Variants in KIRREL3 observed in about 807,000 individuals in gnomAD.
KIRREL3 encodes the protein kirre like nephrin family adhesion molecule 3, also known as kin of IRRE-like protein 3.
Under a neutral mutation model 89.7 loss-of-function variants are expected in KIRREL3, and 36 were observed. That is an observed-to-expected ratio of 0.40 (90% CI 0.31 to 0.53). KIRREL3 has a LOEUF of 0.53. Ranked by LOEUF, KIRREL3 falls within the 20% of genes least tolerant of loss-of-function variation. The pLI is 0.49. For synonymous variants in KIRREL3, 445 were observed against 441.4 expected (o/e 1.01, Z -0.10); for missense variants, 864 against 1,056.6 (o/e 0.82, Z 2.53).
At chr11:126,657,930 C>T (rs993217403) in intron 1 of KIRREL3, among the ~76,000 whole-genome samples, 4 of 152,182 alleles carry the variant, frequency 2.6e-5, no homozygotes, top group Admixed American at 6.5e-5. Flanking sequence ...CCCAGCAGAG[C>T]GCAATTCATG....
In KIRREL3 at chr11:126,969,196, G is replaced by A. The variant is rs991186115; in HGVS notation, c.55+31259C>T. Among the ~76,000 whole-genome samples, 5 of 152,092 alleles carry A rather than the reference G, an allele frequency of 3.3e-5. No individual in the cohort carries two copies. The highest frequency in any genetic ancestry group is 1.2e-4 in the African/African-American group (5 of 41,408). On this transcript the variant is annotated intron_variant, in intron 1 of 16. Coordinates refer to ENST00000525144, the MANE Select transcript of KIRREL3 (RefSeq NM_032531.4). This position sits in a 1 kb window ranked among gnomAD's most constrained non-coding sequence, Gnocchi z 4.9. ...AAACAGGCCTGGGGCAAAAGAGTCC[G>A]TAGATACCGCAGTCAAGGGGCGATT... is the stretch of plus-strand genomic sequence containing the variant.
In KIRREL3 at chr11:126,991,775, C is replaced by T. The variant is rs1029303580; in HGVS notation, c.55+8680G>A. Among the ~76,000 whole-genome samples, 2 of 152,144 alleles carry T rather than the reference C, an allele frequency of 1.3e-5. No individual in the cohort carries two copies. Among genetic ancestry groups the T allele is most frequent in the African/African-American group, 4.8e-5 (2 of 41,434 alleles). On this transcript the variant is annotated intron_variant, in intron 1 of 16. Transcript: ENST00000525144. This position sits in a 1 kb window ranked among gnomAD's most constrained non-coding sequence, Gnocchi z 5.8. ...CAGTCCTAGACACTGGGGATTGCCA[C>T]AAATTATAAGACTATGACCTGTCTT...
At chr11:126,478,910 T>C (rs1487544054) in intron 4 of KIRREL3, among the ~76,000 whole-genome samples, 1 of 152,170 alleles carries the variant, frequency 6.6e-6, no homozygotes, top group Admixed American at 6.5e-5. Context: ...AACTCTGCGC[T>C]GCTGTGGCAT....
At chr11:126,758,635 C>T (rs1255044548) in intron 1 of KIRREL3, among the ~76,000 whole-genome samples, 1 of 152,234 alleles carries the variant, frequency 6.6e-6, no homozygotes, top group African/African-American at 2.4e-5. Context: ...GCACAAATTG[C>T]TTGCCATTGC....
chr11:126,506,983 G>A (rs1044773612), intron 4 of KIRREL3, among the ~76,000 whole-genome samples: 32 of 152,108 alleles, frequency 2.1e-4, no homozygotes, highest in African/African-American at 7.0e-4. Context: ...GCCGACTGGC[G>A]AATGGATAAA....
At chr11:126,671,274 C>T (rs1001880679) in intron 1 of KIRREL3, among the ~76,000 whole-genome samples, 1 of 149,880 alleles carries the variant, frequency 6.7e-6, no homozygotes, top group African/African-American at 2.5e-5. Context: ...TGCTGCACTG[C>T]CCACACCACT....
intron 5 of KIRREL3, among the ~76,000 whole-genome samples, chr11:126,472,377 T>A (rs980414737): frequency 6.6e-5 from 10 of 152,154 alleles, no homozygotes; most frequent in African/African-American, 2.4e-4. Context: ...GACAGACACC[T>A]GGTTCATAGA....
chr11:126,434,054 G>A (rs1955231318), intron 13 of KIRREL3, among the ~76,000 whole-genome samples: 1 of 152,228 alleles, frequency 6.6e-6, no homozygotes, highest in African/African-American at 2.4e-5. Context: ...TCCTGTGGGG[G>A]CGAGTGCCCC....
Position 126,704,231 on chromosome 11 carries a change from G to T in KIRREL3, c.56-141319C>A, listed in dbSNP as rs910669041. Among the ~76,000 whole-genome samples the T allele has an allele frequency of 6.6e-6, 1 of 152,188 alleles. No individual in the cohort carries two copies. The highest frequency in any genetic ancestry group is 2.4e-5 in the African/African-American group (1 of 41,444). On this transcript the variant is annotated intron_variant, in intron 1 of 16. Coordinates refer to ENST00000525144, the MANE Select transcript of KIRREL3 (RefSeq NM_032531.4). This position sits in a 1 kb window ranked among gnomAD's most constrained non-coding sequence, Gnocchi z 4.2. ...ATGTATTTACACAGCACACACATTT[G>T]CATCATATCTGTTCATGTGCATGCA...
chr11:126,842,880 G>A (rs1944011732), intron 1 of KIRREL3, among the ~76,000 whole-genome samples: 1 of 152,194 alleles, frequency 6.6e-6, no homozygotes, highest in Admixed American at 6.5e-5. Flanking sequence ...TATCCTTTCA[G>A]TCAGACTGAG....
chr11:126,615,528 T>C lies in KIRREL3; in HGVS notation c.56-52616A>G, dbSNP rs1420865268. On this transcript the variant is annotated intron_variant, in intron 1 of 16. Coordinates refer to ENST00000525144, the MANE Select transcript of KIRREL3 (RefSeq NM_032531.4). This position sits in a 1 kb window ranked among gnomAD's most constrained non-coding sequence, Gnocchi z 5.4. ...TAGGTCTGTCTGACTCAAAAACCTGTGTTCCTAACCATCCTGCCCACCAGG... is the reference window on the plus strand; with the variant it reads ...TAGGTCTGTCTGACTCAAAAACCTGCGTTCCTAACCATCCTGCCCACCAGG... Among the ~76,000 whole-genome samples the C allele has an allele frequency of 1.3e-5, 2 of 152,152 alleles. No individual in the cohort carries two copies. The highest frequency in any genetic ancestry group is 2.4e-5 in the African/African-American group (1 of 41,438).
chr11:126,882,694 G>A (rs1021101282), intron 1 of KIRREL3, among the ~76,000 whole-genome samples: 1 of 152,198 alleles, frequency 6.6e-6, no homozygotes, highest in African/African-American at 2.4e-5. Flanking sequence ...ATTCTCGACT[G>A]CCTAAAGTGC....
intron 1 of KIRREL3, among the ~76,000 whole-genome samples, chr11:126,895,670 GGGTTACTACTGTTCTGGTTACTGAA>G (rs2134801202): frequency 6.6e-6 from 1 of 152,240 alleles, no homozygotes; most frequent in African/African-American, 2.4e-5. Flanking sequence ...TAACCAGACA[GGGTTACTACTGTTCTGGTTACTGAA>G]GGCTCCCGTG....
At position 126,508,563 on chromosome 11, in the gene KIRREL3, G is replaced by A. The variant is rs2134389092; in HGVS notation, c.433+12752C>T. 6.6e-6 allele frequency among the ~76,000 whole-genome samples: 1 copy of A among 152,272 alleles called. No individual in the cohort carries two copies. The highest frequency in any genetic ancestry group is 2.4e-5 in the African/African-American group (1 of 41,566). ...GTGGAAGGGTTCAAGCAGGGCTCCT[G>A]GAGTTCCCAGGGGCTAGGAAGAAAC... On this transcript the variant is annotated intron_variant, in intron 4 of 16. Transcript: ENST00000525144. The surrounding 1 kb of genome is among the most constrained non-coding windows in gnomAD (Gnocchi z 4.9).
Position 126,563,489 on chromosome 11 carries a change from G to A in KIRREL3, c.56-577C>T, listed in dbSNP as rs1250546979. On this transcript the variant is annotated intron_variant, in intron 1 of 16. Coordinates refer to ENST00000525144, the MANE Select transcript of KIRREL3 (RefSeq NM_032531.4). This position sits in a 1 kb window ranked among gnomAD's most constrained non-coding sequence, Gnocchi z 6.8. ...GCAGAAGAGCTCTCTCTACCTTTTG[G>A]AGAGGGTGCGTTTCTGGTGCTAGAG... Among the ~76,000 whole-genome samples, 1 of 152,152 alleles carries A rather than the reference G, an allele frequency of 6.6e-6. No individual in the cohort carries two copies. The highest frequency in any genetic ancestry group is 2.1e-4 in the South Asian group (1 of 4,826).
In KIRREL3 at chr11:126,476,032, G is replaced by A. The variant is rs1329705754; in HGVS notation, c.434-2566C>T. Among the ~76,000 whole-genome samples the A allele has an allele frequency of 6.6e-6, 1 of 152,354 alleles. No individual in the cohort carries two copies. Among genetic ancestry groups the A allele is most frequent in the East Asian group, 1.9e-4 (1 of 5,182 alleles). On this transcript the variant is annotated intron_variant, in intron 4 of 16. Transcript: ENST00000525144. The surrounding 1 kb of genome is among the most constrained non-coding windows in gnomAD (Gnocchi z 6.4). ...TCAGCCTTCCCAGTGACTGTGGAAA[G>A]TGCCTGAGAGCAGAGGGTGGAGCAG...
At chr11:126,966,066 A>G (rs1161299295) in intron 1 of KIRREL3, among the ~76,000 whole-genome samples, 2 of 152,200 alleles carry the variant, frequency 1.3e-5, no homozygotes, top group Admixed American at 1.3e-4. Context: ...AGCTGATGCC[A>G]GGGTCTGAGG....
chr11:126,696,196 G>A lies in KIRREL3; in HGVS notation c.56-133284C>T, dbSNP rs1947086582. Among the ~76,000 whole-genome samples, 2 of 151,198 alleles carry A rather than the reference G, an allele frequency of 1.3e-5. No homozygotes were observed. Among genetic ancestry groups the A allele is most frequent in the Non-Finnish European group, 1.5e-5 (1 of 67,878 alleles). On this transcript the variant is annotated intron_variant, in intron 1 of 16. Transcript: ENST00000525144. This position sits in a 1 kb window ranked among gnomAD's most constrained non-coding sequence, Gnocchi z 4.4. Reference sequence around the variant, plus strand: ...TGCTTGAACCTGAGTGGCAGAGGTTGCAGTGAGCCAACATCCCGCCACTCC... The same window carrying A: ...TGCTTGAACCTGAGTGGCAGAGGTTACAGTGAGCCAACATCCCGCCACTCC...
In KIRREL3 at chr11:126,924,114, G is replaced by T. The variant is rs923597810; in HGVS notation, c.55+76341C>A. 2.0e-5 allele frequency among the ~76,000 whole-genome samples: 3 copies of T among 152,118 alleles called. No homozygotes were observed. Among genetic ancestry groups the T allele is most frequent in the Non-Finnish European group, 4.4e-5 (3 of 68,032 alleles). On this transcript the variant is annotated intron_variant, in intron 1 of 16. Transcript: ENST00000525144. This position sits in a 1 kb window ranked among gnomAD's most constrained non-coding sequence, Gnocchi z 4.7. Reference sequence around the variant, plus strand: ...CCAGTACTCGTCATAGCGCCTTGTAGACACTTGATAAGCAGTGGTCTTATG... The same window carrying T: ...CCAGTACTCGTCATAGCGCCTTGTATACACTTGATAAGCAGTGGTCTTATG...
Sources: gnomAD v4.1 joint callset for allele counts (sites outside exome capture counted in the v4.1 genomes callset) on GRCh38, gnomAD v4.1.1 for gene constraint, Gnocchi (gnomAD v3.1) non-coding constraint, MANE v1.5 for transcripts, NCBI Gene and HGNC (gene_info 2026-07-23, HGNC 2026-07-21) for gene names.